RERE: variants seen among roughly 807,000 people sequenced by gnomAD.
The protein encoded by RERE is arginine-glutamic acid dipeptide repeats protein.
RERE carries 40 observed loss-of-function variants against 146.1 expected under a neutral mutation model. The ratio of observed to expected loss-of-function variants is 0.27; its 90% CI spans 0.21 to 0.36. RERE has a LOEUF of 0.36. Among genes scored for constraint, RERE ranks in the 10% least tolerant of loss-of-function variants. RERE has a pLI of 1.00. For missense variants in RERE, 1,933 were observed against 2,138.7 expected (o/e 0.90, Z 1.90); for synonymous variants, 1,003 against 866.0 (o/e 1.16, Z -2.78).
chr1:8,413,128 C>T (rs973748838), intron 12 of RERE, among the ~76,000 whole-genome samples: 1 of 152,154 alleles, frequency 6.6e-6, no homozygotes, highest in Non-Finnish European at 1.5e-5. Context: ...AACACACACA[C>T]ACATACTTCA....
chr1:8,377,740 T>C lies in RERE; in HGVS notation c.1285-11766A>G, dbSNP rs146491090. On this transcript the variant is annotated intron_variant, in intron 12 of 22. Transcript: ENST00000400908. ...CATCCGTCAGGGTCACCTTATAAAA[T>C]ATACATCGGCAATGTAACGTTTAAT... Among the ~76,000 whole-genome samples the C allele has an allele frequency of 5.8e-4, 88 of 152,222 alleles. No individual in the cohort carries two copies. In the East Asian group the frequency reaches 0.014, roughly 25 times the overall value.
intron 1 of RERE, among the ~76,000 whole-genome samples, chr1:8,763,478 C>CA (rs570781009): frequency 2.9e-4 from 44 of 151,998 alleles, no homozygotes; most frequent in African/African-American, 1.0e-3. Context: ...ACTAAAAACA[C>CA]AAAAAAATCA....
intron 1 of RERE, among the ~76,000 whole-genome samples, chr1:8,692,935 T>C (rs1639239976): frequency 6.6e-6 from 1 of 152,176 alleles, no homozygotes. Context: ...ATGAGGCACA[T>C]GTAATGCATA....
chr1:8,555,818 AG>A (rs934517447), intron 6 of RERE, among the ~76,000 whole-genome samples: 10 of 152,198 alleles, frequency 6.6e-5, no homozygotes, highest in African/African-American at 2.4e-4. Flanking sequence ...TAATTTCTGA[AG>A]ACATTATGAC....
At chr1:8,491,091 T>C (rs1644973811) in intron 10 of RERE, among the ~76,000 whole-genome samples, 1 of 150,570 alleles carries the variant, frequency 6.6e-6, no homozygotes, top group Admixed American at 6.6e-5. Context: ...CACATAATTG[T>C]CATAAAGAAC....
intron 1 of RERE, among the ~76,000 whole-genome samples, chr1:8,661,030 A>G (rs1288094751): frequency 6.6e-6 from 1 of 152,104 alleles, no homozygotes; most frequent in Admixed American, 6.6e-5. Flanking sequence ...AGAGACCACC[A>G]ACAAAAGGCA....
At chr1:8,387,183 T>C (rs1217859104) in intron 12 of RERE, among the ~76,000 whole-genome samples, 1 of 152,132 alleles carries the variant, frequency 6.6e-6, no homozygotes, top group Non-Finnish European at 1.5e-5. Flanking sequence ...CTTATGGAAA[T>C]TTCACTTTGA....
intron 1 of RERE, chr1:8,792,609 A>G (rs938603908): frequency 1.3e-5 from 2 of 152,236 alleles, no homozygotes; most frequent in African/African-American, 4.8e-5. Context: ...ACAGATGACT[A>G]TCACTGTGAC....
At position 8,361,293 on chromosome 1, in the gene RERE, G is replaced by A. The variant is rs142031535; in HGVS notation, c.2214C>T (p.Pro738=). 27 of 1,605,952 alleles carry A rather than the reference G, an allele frequency of 1.7e-5. No individual in the cohort carries two copies. In the African/African-American group the frequency reaches 3.5e-4, roughly 21 times the overall value. The change falls in exon 18 of 23, where the codon CCC becomes CCT. Residue 738 remains proline (P), a synonymous_variant. Transcript: ENST00000400908. ...SAQQQMLQAQ[P]PALQAPTGVT... ...CCCCAGTGGGAGCCTGCAAGGCTGG[G>A]GGCTGGGCCTGCAGCATCTGCTGCT...
At chr1:8,771,384 C>T (rs1268109231) in intron 1 of RERE, among the ~76,000 whole-genome samples, 1 of 151,712 alleles carries the variant, frequency 6.6e-6, no homozygotes, top group East Asian at 1.9e-4. Flanking sequence ...ATTAGCCAGA[C>T]GTGATGGCGC....
chr1:8,358,187 G>T lies in RERE; in HGVS notation c.4339+9C>A. 1 of 1,583,144 alleles carries T rather than the reference G, an allele frequency of 6.3e-7. No homozygotes were observed. Among genetic ancestry groups the T allele is most frequent in the Non-Finnish European group, 8.6e-7 (1 of 1,158,000 alleles). On this transcript the variant is annotated intron_variant, in intron 20 of 22. Coordinates refer to ENST00000400908, the MANE Select transcript of RERE (RefSeq NM_001042681.2). ...GCCTCTGTCCCACCTGCCACGCTGG[G>T]GCACGCACCTTGGTGGAGGGGGTCC... is the stretch of plus-strand genomic sequence containing the variant.
rs1490401802 is a variant in RERE, at chr1:8,817,249, A to AGGCTGCGG, written c.-242_-235dup. ...GGGGATGGGGCGGGAGGCCGCGCGG[A>AGGCTGCGG]GGCTGCGGGGCCGCGGGGCGCAGGG... On this transcript the variant is annotated 5_prime_UTR_variant, in exon 1 of 23. Transcript: ENST00000400908. 6.0e-5 allele frequency: 9 copies of AGGCTGCGG among 150,674 alleles called. No homozygotes were observed. The East Asian group carries it at 1.8e-3, about 30-fold the overall frequency. The allele number at this position is 150,674 out of a possible 1,614,324, so 9.3% of individuals were successfully genotyped here. A position where few individuals can be genotyped will look rare whatever the true frequency, so the allele number is the denominator to read the frequency against.
chr1:8,643,793 G>C (rs1406665334), intron 2 of RERE, among the ~76,000 whole-genome samples: 1 of 152,144 alleles, frequency 6.6e-6, no homozygotes, highest in Non-Finnish European at 1.5e-5. Flanking sequence ...CAGGGGACAG[G>C]TGTTCATTTT....
At chr1:8,554,415 G>A (rs944896379) in intron 6 of RERE, among the ~76,000 whole-genome samples, 1 of 151,984 alleles carries the variant, frequency 6.6e-6, no homozygotes, top group Non-Finnish European at 1.5e-5. Context: ...GGCTGAGTGC[G>A]GTGGTTCACA....
chr1:8,434,118 A>G (rs1644135225), intron 11 of RERE, among the ~76,000 whole-genome samples: 1 of 152,144 alleles, frequency 6.6e-6, no homozygotes, highest in African/African-American at 2.4e-5. Context: ...GTTTTATTCC[A>G]TCACCCCACC....
At chr1:8,587,465 G>A (rs1646439853) in intron 4 of RERE, among the ~76,000 whole-genome samples, 1 of 152,138 alleles carries the variant, frequency 6.6e-6, no homozygotes, top group Non-Finnish European at 1.5e-5. Context: ...TTGTTGCAAA[G>A]CAGATAAACA....
At chr1:8,629,279 G>A (rs551457304) in intron 2 of RERE, among the ~76,000 whole-genome samples, 4 of 152,294 alleles carry the variant, frequency 2.6e-5, no homozygotes, top group African/African-American at 9.6e-5. Context: ...TCTGGGAATG[G>A]ATCACAGGAT....
intron 1 of RERE, chr1:8,750,860 C>A (rs761927798): frequency 2.4e-6 from 2 of 827,864 alleles, no homozygotes; most frequent in Non-Finnish European, 4.2e-6. Flanking sequence ...ATGGGGGAAC[C>A]CAAATCTGAA....
chr1:8,774,444 C>G (rs372190927), intron 1 of RERE, among the ~76,000 whole-genome samples: 1 of 150,378 alleles, frequency 6.6e-6, no homozygotes. Flanking sequence ...ACCTCCGCCT[C>G]CTGGGTTCAA....
Sources: gnomAD v4.1 joint callset for allele counts (sites outside exome capture counted in the v4.1 genomes callset) on GRCh38, gnomAD v4.1.1 for gene constraint, MANE v1.5 for transcripts, NCBI Gene and HGNC (gene_info 2026-07-23, HGNC 2026-07-21) for gene names.